KIAA0825: variants seen among roughly 807,000 people sequenced by gnomAD.
KIAA0825 encodes uncharacterized protein KIAA0825.
In KIAA0825, 119 loss-of-function variants were observed where a neutral mutation model predicts 147.6. The ratio of observed to expected loss-of-function variants is 0.81; its 90% confidence interval spans 0.69 to 0.94. The LOEUF (loss-of-function observed/expected upper bound fraction) is 0.94. KIAA0825 is among the 40% of genes least tolerant of loss of function. The probability of loss-of-function intolerance (pLI) is 0.00; values close to 1 mark genes in which losing one functional copy is unlikely to be tolerated. For synonymous variants in KIAA0825, 470 were observed against 518.1 expected (o/e 0.91, Z 1.26); for missense variants, 1,381 against 1,472.7 (o/e 0.94, Z 1.02).
chr5:94,281,198 A>AACACACACACACACACAC (rs34358354), intron 20 of KIAA0825, among the ~76,000 whole-genome samples: 1 of 145,024 alleles, frequency 6.9e-6, no homozygotes, highest in Non-Finnish European at 1.5e-5. Flanking sequence ...TAAGTGATTT[A>AACACACACACACACACAC]ACACACACAC....
chr5:94,220,689 T>G (rs1773600026), intron 20 of KIAA0825, among the ~76,000 whole-genome samples: 1 of 152,192 alleles, frequency 6.6e-6, no homozygotes, highest in African/African-American at 2.4e-5. Flanking sequence ...TACTGAAACA[T>G]CATTATGTGG....
chr5:94,507,150 A>G (rs569703434), intron 5 of KIAA0825, among the ~76,000 whole-genome samples: 3 of 152,316 alleles, frequency 2.0e-5, no homozygotes, highest in East Asian at 3.9e-4. Context: ...AATATATTTT[A>G]TTAAAAACTG....
At chr5:94,390,503 G>T (rs1285579457) in intron 18 of KIAA0825, among the ~76,000 whole-genome samples, 1 of 152,194 alleles carries the variant, frequency 6.6e-6, no homozygotes, top group Non-Finnish European at 1.5e-5. Flanking sequence ...GTGTTGCTTT[G>T]TAACAATTAC....
rs528794328 is a variant in KIAA0825 at position 94,293,100 on chromosome 5, T to A, written c.3710+91268A>T. On this transcript the variant is annotated intron_variant, in intron 20 of 20. Coordinates refer to ENST00000682413, the MANE Select transcript of KIAA0825 (RefSeq NM_001145678.3). ...TTGATTTTTGGAAAGGTTTTACACG[T>A]CTCTATCTCCTTCAGTTCTGCTCTG... 6.6e-5 allele frequency among the ~76,000 whole-genome samples: 10 copies of A among 152,264 alleles called. No individual in the cohort carries two copies. In the South Asian group the frequency reaches 2.1e-3, roughly 32 times the overall value.
chr5:94,319,753 T>C (rs562698770), intron 20 of KIAA0825, among the ~76,000 whole-genome samples: 16 of 151,998 alleles, frequency 1.1e-4, no homozygotes, highest in Non-Finnish European at 1.9e-4. Flanking sequence ...CTATTTCCAC[T>C]CTTTCTACCT....
intron 1 of KIAA0825, chr5:94,592,975 T>G (rs1784615412): frequency 1.7e-6 from 1 of 585,122 alleles, no homozygotes; most frequent in Non-Finnish European, 3.2e-6. Flanking sequence ...ACAAGTGGGA[T>G]GTACATTTAA....
In KIAA0825 at chr5:94,477,316, C is replaced by T. The variant is rs575098479; in HGVS notation, c.1133-111G>A. 1.3e-4 allele frequency: 88 copies of T among 657,636 alleles called. 1 individual carries two copies. The South Asian group carries it at 1.7e-3, about 13-fold the overall frequency. 40.7% of individuals were successfully genotyped at this position (657,636 alleles called of 1,614,324 possible). On this transcript the variant is annotated intron_variant, in intron 6 of 20. Coordinates refer to ENST00000682413, the MANE Select transcript of KIAA0825 (RefSeq NM_001145678.3). ...TAACTACGTAGAAAAGTTCTATCCA[C>T]AGTACATACATACATATACACATCC...
chr5:94,305,560 A>T (rs1778670547), intron 20 of KIAA0825, among the ~76,000 whole-genome samples: 1 of 152,018 alleles, frequency 6.6e-6, no homozygotes, highest in South Asian at 2.1e-4. Context: ...ACGTCAATTG[A>T]CAATGAAACA....
intron 20 of KIAA0825, among the ~76,000 whole-genome samples, chr5:94,348,430 C>T (rs779406748): frequency 4.6e-5 from 7 of 152,072 alleles, no homozygotes; most frequent in East Asian, 1.9e-4. Context: ...AAAACCTATC[C>T]GATTAATAGC....
At chr5:94,271,584 C>T (rs148087014) in intron 20 of KIAA0825, among the ~76,000 whole-genome samples, 3,290 of 152,044 alleles carry the variant, frequency 0.022, 122 homozygotes, top group African/African-American at 0.075. Context: ...CCTGTCTCTA[C>T]TAAAAATACA....
chr5:94,376,773 G>A (rs540997908), intron 20 of KIAA0825, among the ~76,000 whole-genome samples: 8 of 152,226 alleles, frequency 5.3e-5, no homozygotes, highest in African/African-American at 9.6e-5. Flanking sequence ...TAGGGAACAG[G>A]AGCATGAAAA....
intron 20 of KIAA0825, among the ~76,000 whole-genome samples, chr5:94,377,174 C>T (rs577512785): frequency 2.5e-4 from 38 of 152,304 alleles, no homozygotes; most frequent in Admixed American, 1.4e-3. Flanking sequence ...TGGTTATTGT[C>T]CACCTGGACA....
chr5:94,395,361 C>T (rs1159687989), intron 17 of KIAA0825, among the ~76,000 whole-genome samples: 1 of 152,124 alleles, frequency 6.6e-6, no homozygotes, highest in Non-Finnish European at 1.5e-5. Context: ...CAGCATGTGT[C>T]GGTGTTTTTA....
intron 2 of KIAA0825, among the ~76,000 whole-genome samples, chr5:94,548,141 G>A (rs569946805): frequency 6.3e-4 from 96 of 152,252 alleles, no homozygotes; most frequent in Admixed American, 1.1e-3. Flanking sequence ...TGTAATTGTG[G>A]TATGTAAATT....
chr5:94,171,636 A>G lies in KIAA0825; in HGVS notation c.3711-17512T>C, dbSNP rs530155143. 5.3e-5 allele frequency among the ~76,000 whole-genome samples: 8 copies of G among 152,236 alleles called. No homozygotes were observed. The East Asian group carries it at 1.5e-3, about 29-fold the overall frequency. ...TCAGCAGAATTAACTTTTTTTCAAA[A>G]CAAAATCTAGCTTTAAAAACTTTCT... On this transcript the variant is annotated intron_variant, in intron 20 of 20. Coordinates refer to ENST00000682413, the MANE Select transcript of KIAA0825 (RefSeq NM_001145678.3).
chr5:94,312,174 A>G (rs1779243997), intron 20 of KIAA0825, among the ~76,000 whole-genome samples: 1 of 151,658 alleles, frequency 6.6e-6, no homozygotes, highest in African/African-American at 2.4e-5. Flanking sequence ...AAAAGTATAA[A>G]TAACTGCATG....
At chr5:94,175,006 C>G (rs1270612875) in intron 20 of KIAA0825, among the ~76,000 whole-genome samples, 1 of 152,104 alleles carries the variant, frequency 6.6e-6, no homozygotes, top group Non-Finnish European at 1.5e-5. Flanking sequence ...GAAAAAAAGT[C>G]TTGCCCCTAA....
chr5:94,394,978 C>T (rs1750443682), intron 17 of KIAA0825, among the ~76,000 whole-genome samples: 1 of 152,120 alleles, frequency 6.6e-6, no homozygotes, highest in African/African-American at 2.4e-5. Flanking sequence ...TTAACATAGA[C>T]AAGTAAACAT....
At chr5:94,191,875 G>T (rs1221449992) in intron 20 of KIAA0825, among the ~76,000 whole-genome samples, 1 of 152,120 alleles carries the variant, frequency 6.6e-6, no homozygotes, top group African/African-American at 2.4e-5. Flanking sequence ...AAACAAAGCT[G>T]CATATTTTAT....
Sources: gnomAD v4.1 joint callset for allele counts (sites outside exome capture counted in the v4.1 genomes callset) on GRCh38, gnomAD v4.1.1 for gene constraint, MANE v1.5 for transcripts, NCBI Gene and HGNC (gene_info 2026-07-23, HGNC 2026-07-21) for gene names.